The following GNL1 variants were observed in gnomAD, a reference collection of about 807,000 sequenced individuals.
The protein encoded by GNL1 is G protein nucleolar 1.
In GNL1, 21 loss-of-function variants were observed where a neutral mutation model predicts 75.2. The ratio of observed to expected loss-of-function variants is 0.28; its 90% CI spans 0.20 to 0.40. The LOEUF is 0.40. GNL1 is among the 10% of genes least tolerant of loss of function. The pLI, the probability that GNL1 is intolerant of heterozygous loss-of-function variation, is 1.00. For synonymous variants in GNL1, 287 were observed against 303.4 expected, an observed-to-expected ratio of 0.95 and a Z score of 0.56; for missense variants, 579 against 775.0, an observed-to-expected ratio of 0.75 and a Z score of 3.00.
rs115527452 is a variant in GNL1 at position 30,547,526 on chromosome 6, G to A, written c.1104C>T (p.Phe368=). ...TCAGCGAGGACTTTCCCACATTAGGGAAACCTGAGGAAGGCAAGGAAAATT... is the reference window on the plus strand; with the variant it reads ...TCAGCGAGGACTTTCCCACATTAGGAAAACCTGAGGAAGGCAAGGAAAATT... ...DGVVTIGCVG[F]PNVGKSSLIN... is the part of the protein sequence containing the mutation. Residue 368 remains phenylalanine (F), a synonymous_variant, in exon 9 of 12, where the codon TTC becomes TTT. Coordinates refer to ENST00000376621, the MANE Select transcript of GNL1 (RefSeq NM_005275.5). This position sits in a 1 kb window ranked among gnomAD's most constrained non-coding sequence, Gnocchi z 5.5. 4.7e-5 allele frequency: 76 copies of A among 1,613,216 alleles called. No homozygotes were observed. In the African/African-American group the frequency reaches 8.3e-4, roughly 18 times the overall value.
At position 30,556,007 on chromosome 6, in the gene GNL1, G is replaced by T. The variant is rs997330106; in HGVS notation, c.73+124C>A. 17 of 1,209,950 alleles carry T rather than the reference G, an allele frequency of 1.4e-5. No individual in the cohort carries two copies. Among genetic ancestry groups the T allele is most frequent in the Non-Finnish European group, 2.0e-5 (17 of 846,236 alleles). The allele number at this position is 1,209,950 out of a possible 1,614,324, so 75.0% of individuals were successfully genotyped here. Reference sequence around the variant, plus strand: ...GGGTGGGGGATCCCCTCCGCGATAGGCCGCGAGGGTTGACGCGGTCCCACG... The same window carrying T: ...GGGTGGGGGATCCCCTCCGCGATAGTCCGCGAGGGTTGACGCGGTCCCACG... On this transcript the variant is annotated intron_variant, in intron 1 of 11. Transcript: ENST00000376621. This position sits in a 1 kb window ranked among gnomAD's most constrained non-coding sequence, Gnocchi z 5.7.
In GNL1 at chr6:30,544,205, A is replaced by G. The variant is rs2127362402; in HGVS notation, c.*1867T>C. On this transcript the variant is annotated 3_prime_UTR_variant, in exon 12 of 12. Transcript: ENST00000376621. Reference sequence around the variant, plus strand: ...GGGGTGTCAGGAGTTGCCTCCTGCCAGGTCTTCAGCATAAAAATCCCCCCT... The same window carrying G: ...GGGGTGTCAGGAGTTGCCTCCTGCCGGGTCTTCAGCATAAAAATCCCCCCT... 6.6e-6 allele frequency: 1 copy of G among 152,362 alleles called. No homozygotes were observed. The highest frequency in any genetic ancestry group is 2.1e-4 in the South Asian group (1 of 4,828). The allele number at this position is 152,362 out of a possible 1,614,324, so 9.4% of individuals were successfully genotyped here. A position where few individuals can be genotyped will look rare whatever the true frequency, so the allele number is the denominator to read the frequency against.
Position 30,547,102 on chromosome 6 carries a change from T to C in GNL1, c.1441+10A>G, listed in dbSNP as rs1174087596. The C allele has an allele frequency of 1.9e-6, 3 of 1,609,856 alleles. No individual in the cohort carries two copies. The highest frequency in any genetic ancestry group is 2.5e-6 in the Non-Finnish European group (3 of 1,178,454). ...ACCAGGTGGGGCGAAGCCAGGCACATGGAACTCACCTTCACAGATGTCCCA... is the reference window on the plus strand; with the variant it reads ...ACCAGGTGGGGCGAAGCCAGGCACACGGAACTCACCTTCACAGATGTCCCA... On this transcript the variant is annotated intron_variant, in intron 10 of 11. Coordinates refer to ENST00000376621, the MANE Select transcript of GNL1 (RefSeq NM_005275.5). This position sits in a 1 kb window ranked among gnomAD's most constrained non-coding sequence, Gnocchi z 5.5.
Position 30,547,121 on chromosome 6 carries a change from T to C in GNL1, c.1432A>G (p.Ile478Val), listed in dbSNP as rs769560786. The change falls in exon 10 of 12, where the codon ATC becomes GTC. Residue 478 changes from isoleucine to valine, a missense_variant. By Grantham distance (29) the Ile-to-Val change is conservative. Transcript: ENST00000376621. The surrounding 1 kb of genome is among the most constrained non-coding windows in gnomAD (Gnocchi z 5.5). ...SAEHPWCAWD[I>V]CEAWAEKRGY... is the part of the protein sequence containing the mutation. Reference sequence around the variant, plus strand: ...GGCACATGGAACTCACCTTCACAGATGTCCCAGGCACACCAGGGGTGTTCC... The same window carrying C: ...GGCACATGGAACTCACCTTCACAGACGTCCCAGGCACACCAGGGGTGTTCC... 3.1e-6 allele frequency: 5 copies of C among 1,611,836 alleles called. No individual in the cohort carries two copies. The East Asian group carries it at 1.1e-4, about 36-fold the overall frequency.
rs1264089058 is a variant in GNL1 at position 30,545,308 on chromosome 6, C to T, written c.*764G>A. The T allele has an allele frequency of 2.0e-5, 3 of 152,252 alleles. No individual in the cohort carries two copies. In the East Asian group the frequency reaches 5.8e-4, roughly 29 times the overall value. The allele number at this position is 152,252 out of a possible 1,614,324, so 9.4% of individuals were successfully genotyped here. On this transcript the variant is annotated 3_prime_UTR_variant, in exon 12 of 12. Coordinates refer to ENST00000376621, the MANE Select transcript of GNL1 (RefSeq NM_005275.5). ...ACCAGTAATTAAAACTACTCGTACA[C>T]ATTTAATCAACATTTTCACAAGCGT...
In GNL1 at chr6:30,548,108, G is replaced by A. The variant is rs1312203552; in HGVS notation, c.1100-578C>T. ...GGAGAACCACTTGAACCCAGGAGGC[G>A]GAGGTTGCAGTGAGCTGAGATTGCA... is the stretch of plus-strand genomic sequence containing the variant. On this transcript the variant is annotated intron_variant, in intron 8 of 11. Transcript: ENST00000376621. This position sits in a 1 kb window ranked among gnomAD's most constrained non-coding sequence, Gnocchi z 4.2. 2.0e-5 allele frequency among the ~76,000 whole-genome samples: 3 copies of A among 152,102 alleles called. No individual in the cohort carries two copies. The highest frequency in any genetic ancestry group is 4.8e-5 in the African/African-American group (2 of 41,412).
Position 30,555,931 on chromosome 6 carries a change from A to C in GNL1, c.73+200T>G. The stretch of plus-strand genomic sequence containing the variant: ...ACGGCGCCCCGTGCTAGCTGGAGGG[A>C]TTCCCCTCCCCCAACTCTCCATCCT... On this transcript the variant is annotated intron_variant, in intron 1 of 11. Transcript: ENST00000376621. The surrounding 1 kb of genome is among the most constrained non-coding windows in gnomAD (Gnocchi z 4.3). 1.2e-6 allele frequency: 1 copy of C among 800,592 alleles called. No homozygotes were observed. The highest frequency in any genetic ancestry group is 2.0e-6 in the Non-Finnish European group (1 of 503,586). The allele number at this position is 800,592 out of a possible 1,614,324, so 49.6% of individuals were successfully genotyped here. A position where few individuals can be genotyped will look rare whatever the true frequency, so the allele number is the denominator to read the frequency against.
chr6:30,556,373 G>GCGGA lies in GNL1; in HGVS notation c.-174_-171dup. On this transcript the variant is annotated 5_prime_UTR_variant, in exon 1 of 12. Coordinates refer to ENST00000376621, the MANE Select transcript of GNL1 (RefSeq NM_005275.5). This position sits in a 1 kb window ranked among gnomAD's most constrained non-coding sequence, Gnocchi z 5.7. ...ATTACCGCCGCGGCGGCGATGGAAG[G>GCGGA]CGGACGGGGGAGATATAGTCACTTC... 1.5e-6 allele frequency: 1 copy of GCGGA among 683,428 alleles called. No homozygotes were observed. Among genetic ancestry groups the GCGGA allele is most frequent in the Non-Finnish European group, 2.5e-6 (1 of 401,312 alleles). 42.3% of individuals were successfully genotyped at this position (683,428 alleles called of 1,614,324 possible).
rs992949014 is a variant in GNL1 at position 30,556,406 on chromosome 6, G to A, written c.-203C>T. On this transcript the variant is annotated 5_prime_UTR_variant, in exon 1 of 12. Transcript: ENST00000376621. The surrounding 1 kb of genome is among the most constrained non-coding windows in gnomAD (Gnocchi z 5.7). ...GGGAGATATAGTCACTTCCCTCCAG[G>A]AGCGAGGCGAGAGGATGATGCGGGG... 1.1e-5 allele frequency: 7 copies of A among 609,746 alleles called. No individual in the cohort carries two copies. Among genetic ancestry groups the A allele is most frequent in the South Asian group, 9.7e-5 (5 of 51,442 alleles). The allele number at this position is 609,746 out of a possible 1,614,324, so 37.8% of individuals were successfully genotyped here.
chr6:30,548,151 G>A lies in GNL1; in HGVS notation c.1100-621C>T, dbSNP rs1799557703. On this transcript the variant is annotated intron_variant, in intron 8 of 11. Transcript: ENST00000376621. This position sits in a 1 kb window ranked among gnomAD's most constrained non-coding sequence, Gnocchi z 4.2. ...AGATTGCACCATTGCACTCCAGCCTGGGCAATAAGAGGGAAACTCCATCTC... is the reference window on the plus strand; with the variant it reads ...AGATTGCACCATTGCACTCCAGCCTAGGCAATAAGAGGGAAACTCCATCTC... Among the ~76,000 whole-genome samples the A allele has an allele frequency of 6.6e-6, 1 of 152,074 alleles. No homozygotes were observed. The highest frequency in any genetic ancestry group is 1.5e-5 in the Non-Finnish European group (1 of 68,012).
In GNL1 at chr6:30,556,182, T is replaced by C. The variant is rs959758717; in HGVS notation, c.22A>G (p.Ser8Gly). Residue 8 changes from serine (S) to glycine (G), a missense_variant, in exon 1 of 12, where the codon AGC (serine) becomes GGC (glycine). By Grantham distance (56) the Ser-to-Gly change is moderately conservative. Transcript: ENST00000376621. The surrounding 1 kb of genome is among the most constrained non-coding windows in gnomAD (Gnocchi z 5.7). Reference sequence around the variant, plus strand: ...AACTGCTTCTTCTTCTGCTTCACGCTGAATGGCTTCTTCCTCGGCATGGCC... The same window carrying C: ...AACTGCTTCTTCTTCTGCTTCACGCCGAATGGCTTCTTCCTCGGCATGGCC... MPRKKPFSVKQKKKQLQD... is the reference protein window; with the variant it reads MPRKKPFGVKQKKKQLQD... The C allele has an allele frequency of 1.2e-6, 2 of 1,605,706 alleles. No homozygotes were observed. Among genetic ancestry groups the C allele is most frequent in the African/African-American group, 1.3e-5 (1 of 75,048 alleles).
rs1028440597 is a variant in GNL1 at position 30,548,942 on chromosome 6, G to A, written c.1100-1412C>T. Among the ~76,000 whole-genome samples, 2 of 152,116 alleles carry A rather than the reference G, an allele frequency of 1.3e-5. No individual in the cohort carries two copies. Among genetic ancestry groups the A allele is most frequent in the African/African-American group, 2.4e-5 (1 of 41,406 alleles). ...AAAATGCACAGAACATACATGTGCAGCCTGATGAACCCCATACCACCCAAT... is the reference window on the plus strand; with the variant it reads ...AAAATGCACAGAACATACATGTGCAACCTGATGAACCCCATACCACCCAAT... On this transcript the variant is annotated intron_variant, in intron 8 of 11. Coordinates refer to ENST00000376621, the MANE Select transcript of GNL1 (RefSeq NM_005275.5). The surrounding 1 kb of genome is among the most constrained non-coding windows in gnomAD (Gnocchi z 4.2).
chr6:30,556,460 C>G lies in GNL1; in HGVS notation c.-257G>C. 1.8e-6 allele frequency: 1 copy of G among 565,734 alleles called. No homozygotes were observed. The allele number at this position is 565,734 out of a possible 1,614,324, so 35.0% of individuals were successfully genotyped here. On this transcript the variant is annotated 5_prime_UTR_variant, in exon 1 of 12. Coordinates refer to ENST00000376621, the MANE Select transcript of GNL1 (RefSeq NM_005275.5). This position sits in a 1 kb window ranked among gnomAD's most constrained non-coding sequence, Gnocchi z 5.7. ...GCTACTGGCACGTGAGAGCCAGTGG[C>G]ACCGAGAGGGCGCCCCGGCGGCGAG...
rs1799362559 is a variant in GNL1 at position 30,544,854 on chromosome 6, A to G, written c.*1218T>C. ...AAAGGAGTCTGGTACTTCTCACTCC[A>G]TCTAGTGGGCAACCTGTCCAACTAC... On this transcript the variant is annotated 3_prime_UTR_variant, in exon 12 of 12. Coordinates refer to ENST00000376621, the MANE Select transcript of GNL1 (RefSeq NM_005275.5). 1 of 152,102 alleles carries G rather than the reference A, an allele frequency of 6.6e-6. No individual in the cohort carries two copies. Among genetic ancestry groups the G allele is most frequent in the Non-Finnish European group, 1.5e-5 (1 of 68,024 alleles). 9.4% of individuals were successfully genotyped at this position (152,102 alleles called of 1,614,324 possible).
Position 30,546,655 on chromosome 6 carries a change from C to T in GNL1, c.1582+41G>A, listed in dbSNP as rs762595195. Reference sequence around the variant, plus strand: ...CACAAAGCCCACACCCTTTTACCTACGCTATAGCAGGGGGCTGGGGAAGAA... The same window carrying T: ...CACAAAGCCCACACCCTTTTACCTATGCTATAGCAGGGGGCTGGGGAAGAA... On this transcript the variant is annotated intron_variant, in intron 11 of 11. Coordinates refer to ENST00000376621, the MANE Select transcript of GNL1 (RefSeq NM_005275.5). This position sits in a 1 kb window ranked among gnomAD's most constrained non-coding sequence, Gnocchi z 5.1. The T allele has an allele frequency of 1.9e-6, 3 of 1,540,426 alleles. No individual in the cohort carries two copies. Among genetic ancestry groups the T allele is most frequent in the Non-Finnish European group, 2.7e-6 (3 of 1,126,798 alleles).
At position 30,556,276 on chromosome 6, in the gene GNL1, C is replaced by A. The variant is rs1211944616; in HGVS notation, c.-73G>T. On this transcript the variant is annotated 5_prime_UTR_variant, in exon 1 of 12. Transcript: ENST00000376621. This position sits in a 1 kb window ranked among gnomAD's most constrained non-coding sequence, Gnocchi z 5.7. ...TCAACTGACTGCCCCCCGGGGCAGC[C>A]CCCGCCGCAGGGGCCCGGGACCCTA... 7.0e-6 allele frequency: 11 copies of A among 1,575,998 alleles called. No individual in the cohort carries two copies. The East Asian group carries it at 2.0e-4, about 29-fold the overall frequency.
chr6:30,547,204 C>T lies in GNL1; in HGVS notation c.1349G>A (p.Arg450Gln), dbSNP rs561465915. The T allele has an allele frequency of 4.3e-6, 7 of 1,613,100 alleles. No individual in the cohort carries two copies. The highest frequency in any genetic ancestry group is 1.1e-5 in the South Asian group (1 of 91,054). The change falls in exon 10 of 12, where the codon CGA becomes CAA. Residue 450 changes from arginine to glutamine, a missense_variant. By Grantham distance (43) the Arg-to-Gln change is conservative. Transcript: ENST00000376621. This position sits in a 1 kb window ranked among gnomAD's most constrained non-coding sequence, Gnocchi z 5.5. ...GTGGAGCAGGGCCTGCACGGGAATTCGGGAGGCCAGGTAGCCCACAGCAGT... is the reference window on the plus strand; with the variant it reads ...GTGGAGCAGGGCCTGCACGGGAATTTGGGAGGCCAGGTAGCCCACAGCAGT... ...PYTAVGYLAS[R>Q]IPVQALLHLR...
intron 5 of GNL1, 90 bp from the exon 6 acceptor site, chr6:30,553,647 G>A: frequency 1.2e-6 from 1 of 863,096 alleles, no homozygotes; most frequent in East Asian, 2.4e-5. Flanking sequence ...GTAGCTCAGA[G>A]ACAAGGCCCT....
chr6:30,556,312 G>T lies in GNL1; in HGVS notation c.-109C>A. ...GGGCCCGGGACCCTAGAGGAGGCGG[G>T]GCTAGCAGGTGACGTCAGCGGGCGG... On this transcript the variant is annotated 5_prime_UTR_variant, in exon 1 of 12. Transcript: ENST00000376621. This position sits in a 1 kb window ranked among gnomAD's most constrained non-coding sequence, Gnocchi z 5.7. 1 of 1,292,180 alleles carries T rather than the reference G, an allele frequency of 7.7e-7. No individual in the cohort carries two copies. The allele number at this position is 1,292,180 out of a possible 1,614,324, so 80.0% of individuals were successfully genotyped here.
Sources: allele counts gnomAD v4.1 joint callset (sites outside exome capture counted in the v4.1 genomes callset), GRCh38; gene constraint gnomAD v4.1.1; non-coding constraint Gnocchi (gnomAD v3.1); transcripts MANE v1.5; gene names NCBI Gene and HGNC (gene_info 2026-07-23, HGNC 2026-07-21).